Variants in WWOX observed in about 807,000 individuals in gnomAD.
WWOX encodes the protein WW domain-containing oxidoreductase.
A neutral mutation model predicts 46.2 loss-of-function variants in WWOX; 69 were observed. That is an observed-to-expected ratio of 1.49 (90% CI 1.23 to 1.82). WWOX has a LOEUF of 1.82. Among genes scored for constraint, WWOX ranks in the 40% most tolerant of loss-of-function variants. The pLI, the probability that WWOX is intolerant of heterozygous loss-of-function variation, is 0.00. For synonymous variants in WWOX, 359 were observed against 202.6 expected, an observed-to-expected ratio of 1.77 and a Z score of -6.56; for missense variants, 919 against 542.6, an observed-to-expected ratio of 1.69 and a Z score of -6.89.
chr16:78,374,792 C>T lies in WWOX; in HGVS notation c.517-12068C>T, dbSNP rs1486575873. ...GTCTTGATCTCCTGACCTTGTGGTC[C>T]GTCTGCCTCGGCCTCCCAAAGTGCT... On this transcript the variant is annotated intron_variant, in intron 5 of 8. Transcript: ENST00000566780. Among the ~76,000 whole-genome samples, 9 of 151,998 alleles carry T rather than the reference C, an allele frequency of 5.9e-5. No homozygotes were observed. The East Asian group carries it at 7.8e-4, about 13-fold the overall frequency.
chr16:78,272,102 G>A (rs942242429), intron 5 of WWOX, among the ~76,000 whole-genome samples: 2 of 152,290 alleles, frequency 1.3e-5, no homozygotes, highest in East Asian at 3.9e-4. Flanking sequence ...AAAACTTAGA[G>A]GCTTAAAACA....
intron 8 of WWOX, chr16:78,552,117 CCAGGGACCCAGGCAGTCCTTA>C (rs2044188928): frequency 2.0e-5 from 3 of 152,136 alleles, no homozygotes; most frequent in Admixed American, 6.6e-5. Flanking sequence ...GCCTGATGAC[CCAGGGACCCAGGCAGTCCTTA>C]CAGGGACCCA....
At chr16:79,002,657 A>G (rs2047117027) in intron 8 of WWOX, among the ~76,000 whole-genome samples, 1 of 152,150 alleles carries the variant, frequency 6.6e-6, no homozygotes, top group African/African-American at 2.4e-5. Flanking sequence ...CACTTGTGTG[A>G]TCTGATTTAA....
At chr16:78,464,724 G>A (rs897119929) in intron 8 of WWOX, among the ~76,000 whole-genome samples, 9 of 152,026 alleles carry the variant, frequency 5.9e-5, no homozygotes, top group African/African-American at 2.2e-4. Flanking sequence ...AGGCCTCATT[G>A]TTCATATTCA....
intron 8 of WWOX, among the ~76,000 whole-genome samples, chr16:78,689,562 A>T (rs952104636): frequency 1.3e-5 from 2 of 152,070 alleles, no homozygotes; most frequent in African/African-American, 4.8e-5. Flanking sequence ...GTCTAGAGAG[A>T]ATCCCTTCAC....
At chr16:78,161,581 G>C (rs894188492) in intron 4 of WWOX, among the ~76,000 whole-genome samples, 1 of 151,882 alleles carries the variant, frequency 6.6e-6, no homozygotes, top group African/African-American at 2.4e-5. Context: ...TGAGTAGCTG[G>C]GACTACCGGT....
intron 4 of WWOX, among the ~76,000 whole-genome samples, chr16:78,123,009 A>C (rs983856626): frequency 4.6e-5 from 7 of 152,162 alleles, no homozygotes; most frequent in South Asian, 2.1e-4. Flanking sequence ...TAAACAAAAG[A>C]GGCAGCATTG....
At chr16:78,509,154 G>A (rs1311015674) in intron 8 of WWOX, among the ~76,000 whole-genome samples, 2 of 152,188 alleles carry the variant, frequency 1.3e-5, no homozygotes, top group Middle Eastern at 3.2e-3. Flanking sequence ...AATAATTGAA[G>A]CTTGCCGGGC....
chr16:78,773,546 T>C (rs1158687009), intron 8 of WWOX, among the ~76,000 whole-genome samples: 1 of 152,224 alleles, frequency 6.6e-6, no homozygotes, highest in African/African-American at 2.4e-5. Flanking sequence ...ACGCTGTTAC[T>C]ATTCTTAGAC....
At chr16:78,854,749 T>G (rs2052528723) in intron 8 of WWOX, among the ~76,000 whole-genome samples, 1 of 151,432 alleles carries the variant, frequency 6.6e-6, no homozygotes, top group African/African-American at 2.4e-5. Context: ...CCCAGCTACT[T>G]TTTGTATTTT....
intron 8 of WWOX, among the ~76,000 whole-genome samples, chr16:78,753,476 C>G (rs535934438): frequency 6.6e-6 from 1 of 152,042 alleles, no homozygotes; most frequent in Non-Finnish European, 1.5e-5. Context: ...GCAAATATTA[C>G]TGCAGAGTTT....
chr16:78,114,236 G>A (rs1047766316), intron 3 of WWOX, among the ~76,000 whole-genome samples: 42 of 151,916 alleles, frequency 2.8e-4, no homozygotes, highest in African/African-American at 1.0e-3. Context: ...AAGTAGCTGC[G>A]ACTACAGGCG....
At chr16:78,214,654 C>A (rs1280692745) in intron 5 of WWOX, among the ~76,000 whole-genome samples, 1 of 152,148 alleles carries the variant, frequency 6.6e-6, no homozygotes. Flanking sequence ...GTTGCTAAGC[C>A]TGCTAAAAGC....
intron 8 of WWOX, among the ~76,000 whole-genome samples, chr16:79,128,650 C>T (rs558936759): frequency 6.6e-6 from 1 of 152,312 alleles, no homozygotes; most frequent in South Asian, 2.1e-4. Flanking sequence ...AGAATGATTT[C>T]ACTCAACTGA....
chr16:79,105,328 C>G (rs1040627074), intron 8 of WWOX, among the ~76,000 whole-genome samples: 5 of 152,186 alleles, frequency 3.3e-5, no homozygotes, highest in Non-Finnish European at 5.9e-5. Context: ...GCGAAAATAA[C>G]AAAAGCAGAA....
intron 8 of WWOX, among the ~76,000 whole-genome samples, chr16:78,829,274 G>T (rs999247758): frequency 6.6e-6 from 1 of 152,064 alleles, no homozygotes; most frequent in Non-Finnish European, 1.5e-5. Context: ...ATCCAGAAGG[G>T]CCCATGGTAG....
At chr16:78,791,156 T>A (rs1202837463) in intron 8 of WWOX, among the ~76,000 whole-genome samples, 1 of 151,894 alleles carries the variant, frequency 6.6e-6, no homozygotes, top group African/African-American at 2.4e-5. Context: ...ACTCTGTGAC[T>A]CAGTGCTTTC....
chr16:78,770,566 G>C (rs1198030182), intron 8 of WWOX, among the ~76,000 whole-genome samples: 2 of 152,182 alleles, frequency 1.3e-5, no homozygotes, highest in African/African-American at 4.8e-5. Context: ...ACCGCTCTCT[G>C]TGGTGCCAGG....
At chr16:78,485,774 C>A (rs1236021086) in intron 8 of WWOX, among the ~76,000 whole-genome samples, 1 of 152,202 alleles carries the variant, frequency 6.6e-6, no homozygotes, top group African/African-American at 2.4e-5. Context: ...ATCCCTCTCC[C>A]CAGCATGGGG....
Sources: gnomAD v4.1 joint callset for allele counts (sites outside exome capture counted in the v4.1 genomes callset) on GRCh38, gnomAD v4.1.1 for gene constraint, MANE v1.5 for transcripts, NCBI Gene and HGNC (gene_info 2026-07-23, HGNC 2026-07-21) for gene names.